DIXDC1: variants seen among roughly 807,000 people sequenced by gnomAD.
DIXDC1 encodes the protein DIX domain containing 1.
DIXDC1 carries 64 observed loss-of-function variants against 103.1 expected under a neutral mutation model. The ratio of observed to expected loss-of-function variants is 0.62; its 90% CI spans 0.51 to 0.76. The LOEUF (loss-of-function observed/expected upper bound fraction) is 0.76, where lower values mean the gene tolerates loss of function less well. DIXDC1 is among the 30% of genes least tolerant of loss of function. The probability of loss-of-function intolerance (pLI) is 0.00; values close to 1 mark genes in which losing one functional copy is unlikely to be tolerated. For synonymous variants in DIXDC1, 266 were observed against 298.5 expected (o/e 0.89, Z 1.12); for missense variants, 759 against 834.2 (o/e 0.91, Z 1.11).
At chr11:111,990,522 G>A (rs182201442) in intron 10 of DIXDC1, among the ~76,000 whole-genome samples, 2 of 152,098 alleles carry the variant, frequency 1.3e-5, no homozygotes, top group East Asian at 1.9e-4. Flanking sequence ...GTATATCTTC[G>A]AGCTCATTCT....
chr11:111,972,780 C>T (rs968665359), intron 3 of DIXDC1, among the ~76,000 whole-genome samples: 2 of 152,224 alleles, frequency 1.3e-5, no homozygotes, highest in Non-Finnish European at 2.9e-5. Context: ...GGTGCAGTGG[C>T]TCACACCTGT....
chr11:111,964,914 CAA>C (rs1278475429), intron 2 of DIXDC1, among the ~76,000 whole-genome samples: 8 of 152,282 alleles, frequency 5.3e-5, no homozygotes, highest in African/African-American at 1.9e-4. Context: ...TCCATGCTCT[CAA>C]GAGTCTACCA....
upstream of DIXDC1, among the ~76,000 whole-genome samples, chr11:111,936,620 A>T (rs1257733947): frequency 6.6e-6 from 1 of 152,198 alleles, no homozygotes; most frequent in African/African-American, 2.4e-5. Context: ...GTGTTCTGAT[A>T]CCATCAATAA....
chr11:111,982,925 G>A (rs587613045), intron 7 of DIXDC1, among the ~76,000 whole-genome samples: 2 of 152,340 alleles, frequency 1.3e-5, no homozygotes, highest in African/African-American at 4.8e-5. Flanking sequence ...ATTTAGCTAA[G>A]GGATTTAGCT....
intron 8 of DIXDC1, 141 bp downstream of exon 8, chr11:111,985,462 G>A (rs1437491337): frequency 9.1e-6 from 6 of 662,672 alleles, no homozygotes; most frequent in Non-Finnish European, 1.3e-5. Flanking sequence ...TTTGACCATT[G>A]TTTCCTTCTT....
At position 112,017,976 on chromosome 11, in the gene DIXDC1, G is replaced by T; in HGVS notation, c.1971+91G>T. 1 of 999,192 alleles carries T rather than the reference G, an allele frequency of 1.0e-6. No individual in the cohort carries two copies. The highest frequency in any genetic ancestry group is 1.5e-6 in the Non-Finnish European group (1 of 670,754). The allele number at this position is 999,192 out of a possible 1,614,324, so 61.9% of individuals were successfully genotyped here. A position where few individuals can be genotyped will look rare whatever the true frequency, so the allele number is the denominator to read the frequency against. ...CAAGCACTAGTGTCCAGAAGTACAT[G>T]AGTTCCCTGACTAGGTCAGAAGAAT... is the stretch of plus-strand genomic sequence containing the variant. On this transcript the variant is annotated intron_variant, in intron 19 of 19. Coordinates refer to ENST00000440460, the MANE Select transcript of DIXDC1 (RefSeq NM_001037954.4). This position sits in a 1 kb window ranked among gnomAD's most constrained non-coding sequence, Gnocchi z 4.0.
At chr11:111,952,689 G>A (rs782148170) in intron 1 of DIXDC1, among the ~76,000 whole-genome samples, 7 of 151,968 alleles carry the variant, frequency 4.6e-5, no homozygotes, top group Admixed American at 6.6e-5. Flanking sequence ...CTGTGGTGGT[G>A]CGTGCCTGTA....
intron 17 of DIXDC1, among the ~76,000 whole-genome samples, chr11:112,005,176 A>G (rs751320009): frequency 5.3e-5 from 8 of 152,200 alleles, no homozygotes; most frequent in African/African-American, 9.6e-5. Context: ...TAGGAAACCC[A>G]CTATAAATAT....
chr11:111,950,794 G>A (rs1261909642), intron 1 of DIXDC1, among the ~76,000 whole-genome samples: 3 of 152,070 alleles, frequency 2.0e-5, no homozygotes, highest in Non-Finnish European at 4.4e-5. Context: ...GAGGTATTGT[G>A]ATATAGGCTT....
intron 17 of DIXDC1, among the ~76,000 whole-genome samples, chr11:112,007,824 G>T (rs1349072951): frequency 6.6e-6 from 1 of 152,078 alleles, no homozygotes; most frequent in African/African-American, 2.4e-5. Context: ...ACATGGAAAG[G>T]AACAACCGGT....
chr11:111,930,613 C>G lies in DIXDC1; in HGVS notation c.57+703C>G, dbSNP rs587620550. On this transcript the variant is annotated intron_variant, in intron 2 of 5. Coordinates refer to the DIXDC1 transcript ENST00000529225. ...GCACGTTTGGTAAACATTATAATGG[C>G]TGTAATTTTCTTAACCACTTCTCTG... Among the ~76,000 whole-genome samples the G allele has an allele frequency of 2.0e-5, 3 of 152,226 alleles. No individual in the cohort carries two copies. The East Asian group carries it at 5.8e-4, about 29-fold the overall frequency.
intron 17 of DIXDC1, among the ~76,000 whole-genome samples, chr11:112,006,067 G>A (rs1464733450): frequency 6.6e-6 from 1 of 152,148 alleles, no homozygotes; most frequent in Admixed American, 6.5e-5. Context: ...TGGAAAAAAC[G>A]GAACACTCCT....
intron 1 of DIXDC1, among the ~76,000 whole-genome samples, chr11:111,956,781 T>A (rs587637342): frequency 6.6e-6 from 1 of 152,238 alleles, no homozygotes; most frequent in South Asian, 2.1e-4. Flanking sequence ...TGAGCCACCA[T>A]GCCCGGCCTA....
chr11:111,995,227 G>A, intron 15 of DIXDC1, 119 bp downstream of exon 15: 1 of 1,335,174 alleles, frequency 7.5e-7, no homozygotes, highest in Non-Finnish European at 1.0e-6. Context: ...CTGGATCTGT[G>A]GAGTGTGTAA....
At position 112,017,600 on chromosome 11, in the gene DIXDC1, G is replaced by A; in HGVS notation, c.1863-177G>A. 1 of 490,008 alleles carries A rather than the reference G, an allele frequency of 2.0e-6. No homozygotes were observed. The highest frequency in any genetic ancestry group is 3.7e-6 in the Non-Finnish European group (1 of 266,926). The allele number at this position is 490,008 out of a possible 1,614,324, so 30.4% of individuals were successfully genotyped here. ...TATTTAATACTGTTTTCATTCCCTA[G>A]TGATGACTGGTTCTCCAGCCTCTGC... On this transcript the variant is annotated intron_variant, in intron 18 of 19. Transcript: ENST00000440460. This position sits in a 1 kb window ranked among gnomAD's most constrained non-coding sequence, Gnocchi z 4.0.
intron 7 of DIXDC1, among the ~76,000 whole-genome samples, chr11:111,983,831 C>CCATT (rs1401107601): frequency 3.9e-5 from 6 of 152,262 alleles, no homozygotes; most frequent in African/African-American, 1.4e-4. Flanking sequence ...GAATTTGGTT[C>CCATT]CATTGTAGAA....
rs1024983816 is a variant in DIXDC1, at chr11:111,996,127, G to C, written c.1737G>C (p.Glu579Asp). The C allele has an allele frequency of 6.2e-7, 1 of 1,613,734 alleles. No homozygotes were observed. The highest frequency in any genetic ancestry group is 1.1e-5 in the South Asian group (1 of 91,034). Reference sequence around the variant, plus strand: ...CTCAAGTAGGTAGTGAATACCGGGAGTCCTGGCCCCCTAACTCAAGTAAGT... The same window carrying C: ...CTCAAGTAGGTAGTGAATACCGGGACTCCTGGCCCCCTAACTCAAGTAAGT... ...PRTQVGSEYR[E>D]SWPPNSKLPH... Residue 579 changes from glutamate (E) to aspartate (D), a missense_variant, in exon 17 of 20, where the codon GAG becomes GAC. Physicochemically the swap from Glu to Asp is conservative, Grantham distance 45. This residue lies in a region of DIXDC1 where 657 missense variants were observed against 727.5 expected (regional missense o/e 0.90). Coordinates refer to ENST00000440460, the MANE Select transcript of DIXDC1 (RefSeq NM_001037954.4).
Position 111,977,825 on chromosome 11 carries a change from G to C in DIXDC1, c.656+2842G>C, listed in dbSNP as rs1346155906. 27 of 1,543,076 alleles carry C rather than the reference G, an allele frequency of 1.7e-5. No individual in the cohort carries two copies. The highest frequency in any genetic ancestry group is 2.5e-5 in the East Asian group (1 of 39,728). On this transcript the variant is annotated intron_variant, in intron 5 of 19. Coordinates refer to ENST00000440460, the MANE Select transcript of DIXDC1 (RefSeq NM_001037954.4). This position sits in a 1 kb window ranked among gnomAD's most constrained non-coding sequence, Gnocchi z 6.1. ...CTGAAGCCACTCTGGCTTTGGAAGT[G>C]GGGGGCCTGGGTGGGAACAGGGGCA...
intron 1 of DIXDC1, among the ~76,000 whole-genome samples, chr11:111,940,609 C>T (rs1417973085): frequency 6.6e-6 from 1 of 152,068 alleles, no homozygotes; most frequent in Non-Finnish European, 1.5e-5. Context: ...GATTATAATA[C>T]GGTTTGGGTA....
Sources: gnomAD v4.1 joint callset for allele counts (sites outside exome capture counted in the v4.1 genomes callset) on GRCh38, gnomAD v4.1.1 for gene constraint, gnomAD v4.1.1 regional missense constraint, Gnocchi (gnomAD v3.1) non-coding constraint, MANE v1.5 for transcripts, NCBI Gene and HGNC (gene_info 2026-07-23, HGNC 2026-07-21) for gene names.